Variants in LAMA1 observed in about 807,000 individuals in gnomAD.
LAMA1 encodes laminin subunit alpha 1.
Under a neutral mutation model 348.7 loss-of-function variants are expected in LAMA1, and 219 were observed. The observed-to-expected ratio is 0.63, with a 90% CI of 0.56 to 0.70. The LOEUF is 0.70. Ranked by LOEUF, LAMA1 falls within the 30% of genes least tolerant of loss-of-function variation. The pLI is 0.00. For synonymous variants in LAMA1, 1,487 were observed against 1,491.0 expected, an observed-to-expected ratio of 1.00 and a Z score of 0.06; for missense variants, 3,744 against 3,888.0, an observed-to-expected ratio of 0.96 and a Z score of 0.99.
In LAMA1 at chr18:7,009,274, G is replaced by C; in HGVS notation, c.3966C>G (p.Ile1322Met). The C allele has an allele frequency of 6.2e-7, 1 of 1,614,026 alleles. No individual in the cohort carries two copies. Among genetic ancestry groups the C allele is most frequent in the East Asian group, 2.2e-5 (1 of 44,868 alleles). Reference sequence around the variant, plus strand: ...GTAATCCTTGACCATACGATGCCTTGATGAGGATGTACTCAATATCGCTGA... The same window carrying C: ...GTAATCCTTGACCATACGATGCCTTCATGAGGATGTACTCAATATCGCTGA... Reference protein sequence around the residue: ...SVLSDIEYILIKASYGQGLQQ... With the variant: ...SVLSDIEYILMKASYGQGLQQ... Residue 1322 changes from isoleucine (I) to methionine (M), a missense_variant, in exon 27 of 63, where the codon ATC becomes ATG. Around this residue, in one of 3 missense-constraint regions of LAMA1, gnomAD observed 1,983 missense variants for 1,934.3 expected, o/e 1.03. Coordinates refer to ENST00000389658, the MANE Select transcript of LAMA1 (RefSeq NM_005559.4).
chr18:7,099,809 A>C (rs1216171700), intron 1 of LAMA1, among the ~76,000 whole-genome samples: 1 of 152,122 alleles, frequency 6.6e-6, no homozygotes, highest in Admixed American at 6.5e-5. Context: ...CTGCAATCCC[A>C]GCACTTTGGG....
chr18:6,999,323 G>T, intron 32 of LAMA1, 122 bp downstream of exon 32: 1 of 990,978 alleles, frequency 1.0e-6, no homozygotes, highest in Non-Finnish European at 1.5e-6. Flanking sequence ...TAGAAAATAA[G>T]AAAATGAAAA....
chr18:7,095,158 C>CTCTCT (rs1555667471), intron 1 of LAMA1, among the ~76,000 whole-genome samples: 1 of 138,090 alleles, frequency 7.2e-6, no homozygotes, highest in African/African-American at 2.8e-5. Context: ...CTCTCTCTCT[C>CTCTCT]CTCTGCTGTC....
At chr18:6,982,876 T>C (rs2057718234) in intron 40 of LAMA1, among the ~76,000 whole-genome samples, 1 of 152,204 alleles carries the variant, frequency 6.6e-6, no homozygotes, top group African/African-American at 2.4e-5. Flanking sequence ...CGCAAGGAAA[T>C]GTGAGATTGT....
Position 7,034,486 on chromosome 18 carries a change from G to C in LAMA1, c.2044C>G (p.Leu682Val). The part of the protein sequence containing the change: ...RANYNSAKMA[L>V]YRLESVSLDI... ...TCCATTTTCAATACATACCTGTAAA[G>C]AGCCATTTTTGCAGAATTGTAGTTG... The change falls in exon 14 of 63, where the codon CTT becomes GTT. Residue 682 changes from leucine (L) to valine (V), a missense_variant. Coordinates refer to ENST00000389658, the MANE Select transcript of LAMA1 (RefSeq NM_005559.4). 6.2e-7 allele frequency: 1 copy of C among 1,613,776 alleles called. No individual in the cohort carries two copies. The highest frequency in any genetic ancestry group is 8.5e-7 in the Non-Finnish European group (1 of 1,179,736).
chr18:6,984,416 A>G (rs1224396437), intron 39 of LAMA1, among the ~76,000 whole-genome samples: 2 of 152,226 alleles, frequency 1.3e-5, no homozygotes, highest in Non-Finnish European at 2.9e-5. Flanking sequence ...AACTCACAGT[A>G]TTATGTAAAT....
chr18:7,098,498 G>A (rs1392557649), intron 1 of LAMA1, among the ~76,000 whole-genome samples: 2 of 149,932 alleles, frequency 1.3e-5, no homozygotes, highest in African/African-American at 2.5e-5. Flanking sequence ...CCTCTGCCCC[G>A]CCGCCCCGTC....
intron 9 of LAMA1, among the ~76,000 whole-genome samples, chr18:7,040,437 A>C (rs900278351): frequency 1.3e-5 from 2 of 152,224 alleles, no homozygotes; most frequent in Non-Finnish European, 1.5e-5. Context: ...CTATATCTCC[A>C]TTCCAATAAA....
Position 7,080,317 on chromosome 18 carries a change from TC to T in LAMA1, c.201del (p.Ile68SerfsTer19). 1 of 1,614,230 alleles carries T rather than the reference TC, an allele frequency of 6.2e-7. No individual in the cohort carries two copies. Among genetic ancestry groups the T allele is most frequent in the Non-Finnish European group, 8.5e-7 (1 of 1,180,048 alleles). On this transcript the variant is annotated frameshift_variant, in exon 2 of 63. Transcript: ENST00000389658. LOFTEE classifies it high-confidence loss of function. Reference protein sequence around the residue: ...PGRPVRNPQCRICDGNSANPR... With the variant: ...PGRPVRNPQCXICDGNSANPR... ...GGGTTTGCGCTGTTGCCATCACAGA[TC>T]CGGCACTGTGGGTTTCGGACGGGCC... is the stretch of plus-strand genomic sequence containing the variant.
chr18:7,106,557 A>T (rs1471521678), intron 1 of LAMA1, among the ~76,000 whole-genome samples: 1 of 151,938 alleles, frequency 6.6e-6, no homozygotes, highest in Admixed American at 6.6e-5. Context: ...TCGGGGTTTC[A>T]CCATGTTGGT....
In LAMA1 at chr18:7,017,214, T is replaced by G. The variant is rs1282999300; in HGVS notation, c.2808+64A>C. The G allele has an allele frequency of 3.9e-6, 5 of 1,295,852 alleles. No individual in the cohort carries two copies. In the East Asian group the frequency reaches 9.3e-5, roughly 24 times the overall value. The allele number at this position is 1,295,852 out of a possible 1,614,324, so 80.3% of individuals were successfully genotyped here. On this transcript the variant is annotated intron_variant, in intron 20 of 62. Coordinates refer to ENST00000389658, the MANE Select transcript of LAMA1 (RefSeq NM_005559.4). The stretch of plus-strand genomic sequence containing the variant: ...ATACACTTGGGGACTTAGCTCCTTC[T>G]GAGTCATGGATTCAATCGCCTCTGT...
chr18:7,083,052 G>A (rs1467181878), intron 1 of LAMA1, among the ~76,000 whole-genome samples: 1 of 152,078 alleles, frequency 6.6e-6, no homozygotes, highest in African/African-American at 2.4e-5. Flanking sequence ...CTGAGCCACT[G>A]AGAAAAAGCA....
rs2057591453 is a variant in LAMA1 at position 6,958,553 on chromosome 18, C to G, written c.7888G>C (p.Glu2630Gln). The G allele has an allele frequency of 6.2e-7, 1 of 1,614,200 alleles. No homozygotes were observed. The highest frequency in any genetic ancestry group is 1.1e-5 in the South Asian group (1 of 91,084). Residue 2630 changes from glutamate (E) to glutamine (Q), a missense_variant, in exon 55 of 63, where the codon GAG (glutamate) becomes CAG (glutamine). This residue lies in a region of LAMA1 where 1,983 missense variants were observed against 1,934.3 expected (regional missense o/e 1.03). Transcript: ENST00000389658. ...VSNLYVGGIP[E>Q]GEGTSLLTMR... ...GTGAGCAGTGACGTCCCCTCTCCCT[C>G]TGGAATTCCCCCGACGTACAGATTG...
chr18:7,033,249 G>A (rs967453979), intron 14 of LAMA1, among the ~76,000 whole-genome samples, 154 bp from the exon 15 acceptor site: 11 of 152,230 alleles, frequency 7.2e-5, no homozygotes, highest in Admixed American at 6.5e-5. Context: ...GGTGGATCAC[G>A]AGGTCAAGAG....
At chr18:6,950,667 C>T in intron 58 of LAMA1, 115 bp downstream of exon 58, 3 of 1,205,568 alleles carry the variant, frequency 2.5e-6, no homozygotes, top group Non-Finnish European at 3.6e-6. Flanking sequence ...ACACCAGACA[C>T]ACACGGCGAG....
In LAMA1 at chr18:7,023,233, C is replaced by T. The variant is rs763042645; in HGVS notation, c.2632G>A (p.Asp878Asn). The T allele has an allele frequency of 6.2e-7, 1 of 1,614,008 alleles. No homozygotes were observed. Among genetic ancestry groups the T allele is most frequent in the Admixed American group, 1.7e-5 (1 of 60,030 alleles). Residue 878 changes from aspartate to asparagine, a missense_variant, in exon 19 of 63, where the codon GAT becomes AAT. Asp to Asn is a conservative substitution (Grantham distance 23). This residue lies in a region of LAMA1 where 1,529 missense variants were observed against 1,689.4 expected (regional missense o/e 0.91). Transcript: ENST00000389658. ...GCACACCTTTCACAGTGGGCGCCAT[C>T]TGTGTTCCCCAGGCACTTCAGGCAC... is the stretch of plus-strand genomic sequence containing the variant. ...GECLKCLGNT[D>N]GAHCERCADG... is the part of the protein sequence containing the mutation.
intron 1 of LAMA1, among the ~76,000 whole-genome samples, chr18:7,095,798 T>C (rs992831317): frequency 3.9e-5 from 6 of 152,214 alleles, no homozygotes; most frequent in African/African-American, 1.2e-4. Flanking sequence ...GGCCAGGCGC[T>C]GTGGCTCACG....
intron 36 of LAMA1, among the ~76,000 whole-genome samples, chr18:6,987,594 G>C (rs2057740900): frequency 6.6e-6 from 1 of 152,148 alleles, no homozygotes; most frequent in Non-Finnish European, 1.5e-5. Flanking sequence ...AATCCTTGCA[G>C]TGGTGGAGTA....
chr18:7,052,025 G>A (rs964110288), intron 3 of LAMA1, among the ~76,000 whole-genome samples: 8 of 152,142 alleles, frequency 5.3e-5, no homozygotes, highest in Middle Eastern at 3.2e-3. Context: ...CAACCAAGAT[G>A]TCCTTTAATA....
Sources: allele counts gnomAD v4.1 joint callset (sites outside exome capture counted in the v4.1 genomes callset), GRCh38; gene constraint gnomAD v4.1.1; regional missense constraint gnomAD v4.1.1; transcripts MANE v1.5; gene names NCBI Gene and HGNC (gene_info 2026-07-23, HGNC 2026-07-21).